PSPC1: variants seen among roughly 807,000 people sequenced by gnomAD.
PSPC1 encodes the protein paraspeckle component 1, also known as paraspeckle protein 1.
A neutral mutation model predicts 51.6 loss-of-function variants in PSPC1; 14 were observed. The observed-to-expected ratio is 0.27, with a 90% CI of 0.18 to 0.42. The LOEUF is 0.42. PSPC1 is among the 10% of genes least tolerant of loss of function. The pLI is 1.00. For missense variants in PSPC1, 406 were observed against 701.1 expected (o/e 0.58, Z 4.75); for synonymous variants, 193 against 231.9 (o/e 0.83, Z 1.53).
chr13:19,729,706 T>A (rs1454254731), intron 6 of PSPC1, among the ~76,000 whole-genome samples: 1 of 152,094 alleles, frequency 6.6e-6, no homozygotes, highest in Non-Finnish European at 1.5e-5. Flanking sequence ...AGCTGACCAT[T>A]TTTAAAATAT....
intron 1 of PSPC1, among the ~76,000 whole-genome samples, chr13:19,781,714 G>A (rs1889986744): frequency 6.6e-6 from 1 of 152,170 alleles, no homozygotes; most frequent in Non-Finnish European, 1.5e-5. Context: ...GCCAAGGCAG[G>A]AGGATCGCTC....
chr13:19,736,457 G>A (rs951174029), intron 5 of PSPC1, among the ~76,000 whole-genome samples: 1 of 152,024 alleles, frequency 6.6e-6, no homozygotes, highest in Non-Finnish European at 1.5e-5. Context: ...GCCGAGGCGG[G>A]CGGATCACAA....
At chr13:19,713,322 CATT>C (rs1207555523) in intron 6 of PSPC1, among the ~76,000 whole-genome samples, 3 of 151,976 alleles carry the variant, frequency 2.0e-5, no homozygotes, top group Middle Eastern at 3.2e-3. Context: ...CTCAGTTTTA[CATT>C]ATTGATTCAA....
intron 6 of PSPC1, chr13:19,677,981 T>C: frequency 3.0e-6 from 1 of 331,774 alleles, no homozygotes; most frequent in Admixed American, 4.3e-5. Context: ...CAGTAAGGAT[T>C]TTCTTTTTAA....
chr13:19,693,651 T>C (rs190545766), intron 6 of PSPC1, among the ~76,000 whole-genome samples: 51 of 152,260 alleles, frequency 3.3e-4, no homozygotes, highest in African/African-American at 1.1e-3. Context: ...ATGTTATGGA[T>C]AGTATCAAGG....
At chr13:19,761,695 C>A (rs1435537090) in intron 2 of PSPC1, among the ~76,000 whole-genome samples, 1 of 152,134 alleles carries the variant, frequency 6.6e-6, no homozygotes, top group African/African-American at 2.4e-5. Flanking sequence ...GAATAGGAAC[C>A]CAAAGGTAAA....
At chr13:19,730,471 C>T (rs369420325) in intron 5 of PSPC1, 127 bp from the exon 6 acceptor site, 30 of 769,770 alleles carry the variant, frequency 3.9e-5, no homozygotes, top group African/African-American at 2.1e-4. Context: ...CGACTGACCA[C>T]GGCATCCTAA....
chr13:19,688,947 G>A (rs1045741168), intron 6 of PSPC1, among the ~76,000 whole-genome samples: 45 of 108,422 alleles, frequency 4.2e-4, no homozygotes, highest in South Asian at 2.1e-3. Context: ...TACTTTTAAT[G>A]GTGTGATAAA....
At chr13:19,698,339 T>C (rs1879490933), downstream of PSPC1, among the ~76,000 whole-genome samples, 1 of 152,008 alleles carries the variant, frequency 6.6e-6, no homozygotes, top group Non-Finnish European at 1.5e-5. Context: ...TTAAGGTATC[T>C]ATTTCAAAGT....
chr13:19,751,294 T>C lies in PSPC1; in HGVS notation c.944A>G (p.His315Arg), dbSNP rs1283425488. 1.3e-6 allele frequency: 2 copies of C among 1,552,746 alleles called. No homozygotes were observed. The highest frequency in any genetic ancestry group is 1.7e-6 in the Non-Finnish European group (2 of 1,156,598). The change falls in exon 4 of 9, where the codon CAC becomes CGC. Residue 315 changes from histidine to arginine, a missense_variant. Transcript: ENST00000338910. ...EAEMEAARHE[H>R]QLMLMRQDLM... ...ACCTTGCCTCATTAGCATTAATTGG[T>C]GTTCATGCCTAGCTGCTTCCATTTC... is the stretch of plus-strand genomic sequence containing the variant.
chr13:19,686,079 C>G (rs776122308), intron 6 of PSPC1, among the ~76,000 whole-genome samples: 15 of 152,182 alleles, frequency 9.9e-5, no homozygotes, highest in Non-Finnish European at 2.2e-4. Context: ...TGCTTTGATT[C>G]TCGCTCTCCT....
At chr13:19,771,203 T>C (rs922884240) in intron 2 of PSPC1, among the ~76,000 whole-genome samples, 3 of 152,180 alleles carry the variant, frequency 2.0e-5, no homozygotes, top group Middle Eastern at 3.4e-3. Context: ...AGTGGCACAA[T>C]CTGGACTCAC....
intron 6 of PSPC1, among the ~76,000 whole-genome samples, chr13:19,727,869 T>C (rs927662576): frequency 6.6e-6 from 1 of 152,210 alleles, no homozygotes; most frequent in African/African-American, 2.4e-5. Context: ...CTCTATATTA[T>C]GGTAAAGACA....
At chr13:19,740,477 T>C (rs1221874980) in intron 5 of PSPC1, among the ~76,000 whole-genome samples, 1 of 152,198 alleles carries the variant, frequency 6.6e-6, no homozygotes, top group Non-Finnish European at 1.5e-5. Context: ...CAGAGAAGCT[T>C]CAAATTTGTT....
At chr13:19,779,712 A>G (rs1356316202) in intron 1 of PSPC1, among the ~76,000 whole-genome samples, 2 of 82,150 alleles carry the variant, frequency 2.4e-5, no homozygotes, top group African/African-American at 4.9e-5. Flanking sequence ...CCGGCCAGCC[A>G]CCCTGTCTGG....
intron 5 of PSPC1, among the ~76,000 whole-genome samples, chr13:19,735,423 TCA>T (rs2137978559): frequency 6.6e-6 from 1 of 152,294 alleles, no homozygotes; most frequent in South Asian, 2.1e-4. Flanking sequence ...AGTGGTCAAG[TCA>T]CAGACTGAAC....
chr13:19,692,286 G>A (rs1014064050), intron 6 of PSPC1, among the ~76,000 whole-genome samples: 2 of 152,130 alleles, frequency 1.3e-5, no homozygotes, highest in African/African-American at 4.8e-5. Context: ...ACCATGCCCG[G>A]CTACTCTTTT....
In PSPC1 at chr13:19,713,842, T is replaced by C. The variant is rs180875488; in HGVS notation, c.1159-4243A>G. Among the ~76,000 whole-genome samples, 933 of 152,282 alleles carry C rather than the reference T, an allele frequency of 6.1e-3. 5 individuals carry two copies. The highest frequency in any genetic ancestry group is 8.8e-3 in the Non-Finnish European group (597 of 68,018). On this transcript the variant is annotated intron_variant, in intron 6 of 8. Transcript: ENST00000338910. ...TCCCCAAAACTCAGGAAGTGCACAG[T>C]CACAACTATTTCATGTTTTCCCAGC...
chr13:19,720,693 T>C (rs1882658940), intron 6 of PSPC1, among the ~76,000 whole-genome samples: 3 of 152,102 alleles, frequency 2.0e-5, no homozygotes, highest in African/African-American at 7.2e-5. Context: ...GTTAAAATCA[T>C]ATATAGAAAA....
Sources: allele counts gnomAD v4.1 joint callset (sites outside exome capture counted in the v4.1 genomes callset), GRCh38; gene constraint gnomAD v4.1.1; transcripts MANE v1.5; gene names NCBI Gene and HGNC (gene_info 2026-07-23, HGNC 2026-07-21).